Variants in ZNF577 observed in about 807,000 individuals in gnomAD.
ZNF577 encodes zinc finger protein 577.
ZNF577 carries 14 observed loss-of-function variants against 13.9 expected under a neutral mutation model. The observed-to-expected ratio is 1.00, with a 90% CI of 0.66 to 1.57. ZNF577 has a LOEUF of 1.57. ZNF577 is among the 40% of genes most tolerant of loss of function. ZNF577 has a pLI of 0.00. For synonymous variants in ZNF577, 203 were observed against 202.9 expected, an observed-to-expected ratio of 1.00 and a Z score of 0.00; for missense variants, 555 against 579.2, an observed-to-expected ratio of 0.96 and a Z score of 0.43.
At chr19:51,846,291 T>A (rs1400670086) in intron 5 of ZNF577, among the ~76,000 whole-genome samples, 5 of 152,228 alleles carry the variant, frequency 3.3e-5, no homozygotes, top group Admixed American at 3.3e-4. Context: ...TACATTTGCA[T>A]AATAATAGCT....
At chr19:51,851,738 A>C (rs1222696865) in intron 5 of ZNF577, among the ~76,000 whole-genome samples, 1 of 152,184 alleles carries the variant, frequency 6.6e-6, no homozygotes, top group Non-Finnish European at 1.5e-5. Flanking sequence ...ATGCTCTCAA[A>C]GACCATTCCC....
intron 10 of ZNF577, among the ~76,000 whole-genome samples, chr19:51,808,532 C>T (rs996088755): frequency 1.3e-5 from 2 of 152,126 alleles, no homozygotes; most frequent in African/African-American, 4.8e-5. Context: ...GCTGACATAG[C>T]GTAAGACTGT....
chr19:51,855,038 A>C (rs945884971), intron 5 of ZNF577, among the ~76,000 whole-genome samples: 4 of 152,206 alleles, frequency 2.6e-5, no homozygotes, highest in African/African-American at 7.2e-5. Flanking sequence ...TTGCATATTA[A>C]GTCTGACATA....
chr19:51,824,876 C>T lies in ZNF577; in HGVS notation c.*600-13202G>A, dbSNP rs776984699. 7.8e-7 allele frequency: 1 copy of T among 1,282,772 alleles called. No homozygotes were observed. Among genetic ancestry groups the T allele is most frequent in the Non-Finnish European group, 1.1e-6 (1 of 936,834 alleles). 79.5% of individuals were successfully genotyped at this position (1,282,772 alleles called of 1,614,324 possible). Reference sequence around the variant, plus strand: ...GTTAAGCGGAAAAAAAAAATTCTGACAGTGTTTTTCTTCCTCTTTCATACC... The same window carrying T: ...GTTAAGCGGAAAAAAAAAATTCTGATAGTGTTTTTCTTCCTCTTTCATACC... On this transcript the variant is annotated intron_variant and NMD_transcript_variant, in intron 9 of 10. Transcript: ENST00000638827. The surrounding 1 kb of genome is among the most constrained non-coding windows in gnomAD (Gnocchi z 4.7).
intron 1 of ZNF577, among the ~76,000 whole-genome samples, chr19:51,884,461 G>A (rs2084911555): frequency 6.6e-6 from 1 of 151,928 alleles, no homozygotes; most frequent in East Asian, 1.9e-4. Context: ...GCTAAGTTAT[G>A]GGTAAATATT....
At chr19:51,875,261 G>A (rs1293120673) in intron 5 of ZNF577, among the ~76,000 whole-genome samples, 4 of 151,426 alleles carry the variant, frequency 2.6e-5, no homozygotes, top group Non-Finnish European at 5.9e-5. Flanking sequence ...TACTCGGGAG[G>A]CTGAGGCAGG....
intron 5 of ZNF577, chr19:51,861,429 C>T (rs1297413736): frequency 6.5e-6 from 1 of 153,122 alleles, no homozygotes; most frequent in African/African-American, 2.4e-5. Context: ...ATGCGCCTGG[C>T]CAATGATTCT....
intron 8 of ZNF577, among the ~76,000 whole-genome samples, chr19:51,841,331 G>A (rs545020938): frequency 9.2e-5 from 14 of 152,218 alleles, no homozygotes; most frequent in African/African-American, 3.1e-4. Context: ...TTGCTGTAGA[G>A]CCACCACTCC....
At position 51,872,929 on chromosome 19, in the gene ZNF577, T is replaced by C. The variant is rs762594036; in HGVS notation, c.1061A>G (p.Tyr354Cys). 5.0e-5 allele frequency: 80 copies of C among 1,614,100 alleles called. 1 individual carries two copies. In the Admixed American group the frequency reaches 1.3e-3, roughly 27 times the overall value. Residue 354 changes from tyrosine (Y) to cysteine (C), a missense_variant, in exon 6 of 6, where the codon TAT (tyrosine) becomes TGT (cysteine). Physicochemically the swap from Tyr to Cys is radical, Grantham distance 194. Coordinates refer to ENST00000638348, the MANE Select transcript of ZNF577 (RefSeq NM_001370449.1). ...HQRTHTGERP[Y>C]SCRECGKAFA... ...GGCTTTGCCACATTCTCTGCATGAA[T>C]ATGGTCTCTCTCCAGTGTGAGTACG...
intron 1 of ZNF577, 85 bp downstream of exon 1, chr19:51,886,736 C>T (rs78223140): frequency 2.6e-5 from 4 of 152,196 alleles, no homozygotes; most frequent in African/African-American, 7.2e-5. Context: ...CATTTGCTCA[C>T]TTAATCTTCA....
intron 5 of ZNF577, chr19:51,860,548 C>A (rs2084486241): frequency 1.3e-5 from 2 of 152,886 alleles, no homozygotes; most frequent in African/African-American, 4.8e-5. Flanking sequence ...CACTGCAATT[C>A]TTTCCTGCTA....
Position 51,824,219 on chromosome 19 carries a change from CT to C in ZNF577, c.*600-12546del, listed in dbSNP as rs770652442. On this transcript the variant is annotated intron_variant and NMD_transcript_variant, in intron 9 of 10. Transcript: ENST00000638827. This position sits in a 1 kb window ranked among gnomAD's most constrained non-coding sequence, Gnocchi z 4.7. ...TCTGGATTTTCACCATAGTCCTTAC[CT>C]TACCAAATTTCATCTTCTGGACTAC... is the stretch of plus-strand genomic sequence containing the variant. 11 of 1,614,156 alleles carry C rather than the reference CT, an allele frequency of 6.8e-6. No homozygotes were observed. Among genetic ancestry groups the C allele is most frequent in the Non-Finnish European group, 9.3e-6 (11 of 1,180,012 alleles).
chr19:51,806,885 T>C (rs76676259), intron 10 of ZNF577, among the ~76,000 whole-genome samples: 1,947 of 152,362 alleles, frequency 0.013, 22 homozygotes, highest in Non-Finnish European at 0.02. Context: ...CAACATAAGC[T>C]GAACAAGAAG....
At chr19:51,829,767 G>C (rs1319678381) in intron 9 of ZNF577, among the ~76,000 whole-genome samples, 3 of 152,144 alleles carry the variant, frequency 2.0e-5, no homozygotes, top group Non-Finnish European at 4.4e-5. Context: ...CTGTAATATG[G>C]CAACTGCACA....
intron 5 of ZNF577, among the ~76,000 whole-genome samples, chr19:51,852,210 G>A (rs926368205): frequency 6.6e-6 from 1 of 152,216 alleles, no homozygotes; most frequent in Non-Finnish European, 1.5e-5. Flanking sequence ...TTTCAATCAA[G>A]TCTGCAGGAG....
chr19:51,878,259 T>C (rs772951008), intron 4 of ZNF577, 130 bp downstream of exon 4: 15 of 1,025,494 alleles, frequency 1.5e-5, no homozygotes, highest in Non-Finnish European at 1.9e-5. Flanking sequence ...TTTTATGTTA[T>C]ATATTTTACC....
At chr19:51,816,884 G>A (rs915237126) in intron 9 of ZNF577, among the ~76,000 whole-genome samples, 9 of 152,224 alleles carry the variant, frequency 5.9e-5, no homozygotes, top group African/African-American at 2.2e-4. Flanking sequence ...GCTGTTAGAA[G>A]TATGTGTGTA....
chr19:51,844,703 A>G (rs1227456805), intron 6 of ZNF577: 1 of 152,194 alleles, frequency 6.6e-6, no homozygotes, highest in Non-Finnish European at 1.5e-5. Context: ...CTCTTTGATT[A>G]CATATATGGT....
chr19:51,877,157 T>G (rs2084778187), intron 5 of ZNF577, 125 bp downstream of exon 5: 1 of 698,788 alleles, frequency 1.4e-6, no homozygotes, highest in Non-Finnish European at 2.5e-6. Flanking sequence ...AAAGGCTGAT[T>G]AGGTTTCTGG....
Sources: allele counts gnomAD v4.1 joint callset (sites outside exome capture counted in the v4.1 genomes callset), GRCh38; gene constraint gnomAD v4.1.1; non-coding constraint Gnocchi (gnomAD v3.1); transcripts MANE v1.5; gene names NCBI Gene and HGNC (gene_info 2026-07-23, HGNC 2026-07-21).